Variants in ANKMY1 observed in about 807,000 individuals in gnomAD.
The protein encoded by ANKMY1 is ankyrin repeat and MYND domain-containing protein 1.
In ANKMY1, 98 loss-of-function variants were observed where a neutral mutation model predicts 102.0. The ratio of observed to expected loss-of-function variants is 0.96; its 90% CI spans 0.82 to 1.14. ANKMY1 has a LOEUF of 1.14. ANKMY1 is among the 50% of genes most tolerant of loss of function. The probability of loss-of-function intolerance (pLI) is 0.00; values close to 1 mark genes in which losing one functional copy is unlikely to be tolerated. For synonymous variants in ANKMY1, 582 were observed against 559.9 expected (o/e 1.04, Z -0.56); for missense variants, 1,330 against 1,347.6 (o/e 0.99, Z 0.20).
upstream of ANKMY1, chr2:240,558,063 GC>G: frequency 1.2e-6 from 1 of 852,800 alleles, no homozygotes; most frequent in Non-Finnish European, 1.4e-6. Flanking sequence ...CAATCCCCCC[GC>G]CAGGACGCAC....
intron 4 of ANKMY1, among the ~76,000 whole-genome samples, chr2:240,530,388 C>T (rs891345217): frequency 2.6e-5 from 4 of 152,142 alleles, no homozygotes; most frequent in African/African-American, 4.8e-5. Flanking sequence ...GGTTCAGCAC[C>T]GTGCCCTTGG....
intron 15 of ANKMY1, among the ~76,000 whole-genome samples, chr2:240,482,677 T>A (rs573223214): frequency 6.6e-6 from 1 of 152,388 alleles, no homozygotes; most frequent in South Asian, 2.1e-4. Context: ...AATGTATTAT[T>A]TCTATTCTCT....
At chr2:240,516,519 C>T (rs1182442690) in intron 9 of ANKMY1, among the ~76,000 whole-genome samples, 1 of 152,156 alleles carries the variant, frequency 6.6e-6, no homozygotes, top group Non-Finnish European at 1.5e-5. Flanking sequence ...ATATATGTTG[C>T]CAGTGGTTAT....
intron 4 of ANKMY1, among the ~76,000 whole-genome samples, chr2:240,547,849 G>T (rs530810715): frequency 6.7e-6 from 1 of 149,062 alleles, no homozygotes. Context: ...AATAACAGGA[G>T]CTGAAATTGT....
the ANKMY1 span, among the ~76,000 whole-genome samples, chr2:240,469,636 A>C: frequency 1.1e-5 from 1 of 94,504 alleles, no homozygotes; most frequent in Non-Finnish European, 2.3e-5. Flanking sequence ...TACACCCATC[A>C]CACGGTGCAC....
chr2:240,479,445 G>A lies in ANKMY1; in HGVS notation c.*164C>T. ...CAGACTGTCAAAATCACCCCGTGGGGCCAATTTATTGCGAGGTCGCAAGGG... is the reference window on the plus strand; with the variant it reads ...CAGACTGTCAAAATCACCCCGTGGGACCAATTTATTGCGAGGTCGCAAGGG... On this transcript the variant is annotated 3_prime_UTR_variant, in exon 18 of 18. Coordinates refer to ENST00000401804, the MANE Select transcript of ANKMY1 (RefSeq NM_001282771.3). 3 of 842,938 alleles carry A rather than the reference G, an allele frequency of 3.6e-6. No individual in the cohort carries two copies. Among genetic ancestry groups the A allele is most frequent in the Non-Finnish European group, 5.7e-6 (3 of 523,772 alleles). The allele number at this position is 842,938 out of a possible 1,614,324, so 52.2% of individuals were successfully genotyped here.
chr2:240,515,752 C>T (rs1006974786), intron 9 of ANKMY1, among the ~76,000 whole-genome samples: 1 of 151,988 alleles, frequency 6.6e-6, no homozygotes, highest in African/African-American at 2.4e-5. Context: ...TAGTCTCACA[C>T]CATTGCCCAG....
intron 17 of ANKMY1, among the ~76,000 whole-genome samples, chr2:240,480,468 T>A (rs1020244150): frequency 2.6e-5 from 4 of 152,212 alleles, no homozygotes; most frequent in Admixed American, 2.6e-4. Flanking sequence ...AGCAGACACC[T>A]GTTGACGTCC....
At chr2:240,525,184 G>C (rs1208369885) in intron 7 of ANKMY1, among the ~76,000 whole-genome samples, 1 of 152,220 alleles carries the variant, frequency 6.6e-6, no homozygotes, top group Non-Finnish European at 1.5e-5. Context: ...GTCAGTCAGG[G>C]AGATGGACTT....
chr2:240,499,871 GGGTCCA>G lies in ANKMY1; in HGVS notation c.2806+81_2806+86del. 1 of 1,460,628 alleles carries G rather than the reference GGGTCCA, an allele frequency of 6.8e-7. No homozygotes were observed. Among genetic ancestry groups the G allele is most frequent in the Non-Finnish European group, 9.1e-7 (1 of 1,095,602 alleles). 90.5% of individuals were successfully genotyped at this position (1,460,628 alleles called of 1,614,324 possible). A position where few individuals can be genotyped will look rare whatever the true frequency, so the allele number is the denominator to read the frequency against. On this transcript the variant is annotated intron_variant, in intron 15 of 17. Transcript: ENST00000401804. This position sits in a 1 kb window ranked among gnomAD's most constrained non-coding sequence, Gnocchi z 4.2. ...GGAAGGCCCCTCCAAGAGCCCCAGG[GGGTCCA>G]GATCTCCAGGGATAACAGCCCCAGG...
intron 13 of ANKMY1, among the ~76,000 whole-genome samples, chr2:240,502,600 C>G (rs917360415): frequency 2.0e-5 from 3 of 151,998 alleles, no homozygotes; most frequent in African/African-American, 7.3e-5. Flanking sequence ...TCCCCATCTG[C>G]TGACCTGCCC....
chr2:240,482,070 G>A, intron 16 of ANKMY1, 113 bp downstream of exon 16: 1 of 1,198,376 alleles, frequency 8.3e-7, no homozygotes, highest in Non-Finnish European at 1.2e-6. Context: ...GCCACTTGGG[G>A]GTCAGATGGC....
rs1364649770 is a variant in ANKMY1 at position 240,541,373 on chromosome 2, G to A, written c.480+11541C>T. Among the ~76,000 whole-genome samples the A allele has an allele frequency of 4.6e-5, 7 of 152,138 alleles. No individual in the cohort carries two copies. The South Asian group carries it at 8.3e-4, about 18-fold the overall frequency. ...TTTGGTGATTGTTTGTGTGTGTGTC[G>A]TGGGAAATTAAGCTTCAGTAAACTG... On this transcript the variant is annotated intron_variant, in intron 4 of 17. Coordinates refer to ENST00000401804, the MANE Select transcript of ANKMY1 (RefSeq NM_001282771.3).
At chr2:240,512,759 T>A in intron 10 of ANKMY1, 43 bp downstream of exon 10, 1 of 1,575,000 alleles carries the variant, frequency 6.3e-7, no homozygotes, top group East Asian at 2.3e-5. Context: ...CAGGCACACC[T>A]GGCCAAGGCC....
At chr2:240,507,478 C>A (rs2079292629) in intron 13 of ANKMY1, 82 bp downstream of exon 13, 37 of 1,491,426 alleles carry the variant, frequency 2.5e-5, no homozygotes, top group Non-Finnish European at 3.3e-5. Context: ...CAGGGCCACC[C>A]AGCCCTCACA....
intron 4 of ANKMY1, among the ~76,000 whole-genome samples, chr2:240,546,476 C>A (rs2090396622): frequency 6.6e-6 from 1 of 152,134 alleles, no homozygotes; most frequent in African/African-American, 2.4e-5. Context: ...AACCAGCTAA[C>A]ATCATAATGA....
At chr2:240,495,042 C>G (rs1238735901) in intron 15 of ANKMY1, among the ~76,000 whole-genome samples, 1 of 152,020 alleles carries the variant, frequency 6.6e-6, no homozygotes, top group Non-Finnish European at 1.5e-5. Flanking sequence ...CGAGGCCATA[C>G]AGAGATAGGA....
chr2:240,480,419 G>A (rs879316307), intron 17 of ANKMY1, among the ~76,000 whole-genome samples: 3 of 152,256 alleles, frequency 2.0e-5, no homozygotes, highest in Non-Finnish European at 2.9e-5. Context: ...ACACCAAGGA[G>A]GTGAGGAGGG....
At chr2:240,488,058 G>A (rs745861653) in intron 15 of ANKMY1, among the ~76,000 whole-genome samples, 2 of 152,122 alleles carry the variant, frequency 1.3e-5, no homozygotes, top group Non-Finnish European at 2.9e-5. Flanking sequence ...CTAGATCAAT[G>A]TCCAGGAGAA....
Sources: allele counts gnomAD v4.1 joint callset (sites outside exome capture counted in the v4.1 genomes callset), GRCh38; gene constraint gnomAD v4.1.1; non-coding constraint Gnocchi (gnomAD v3.1); transcripts MANE v1.5; gene names NCBI Gene and HGNC (gene_info 2026-07-23, HGNC 2026-07-21).